Variants in PLD5 observed in about 807,000 individuals in gnomAD.
PLD5 encodes the protein inactive phospholipase D5.
Under a neutral mutation model 61.1 loss-of-function variants are expected in PLD5, and 36 were observed. That is an observed-to-expected ratio of 0.59 (90% CI 0.45 to 0.78). The LOEUF is 0.78. PLD5 is among the 30% of genes least tolerant of loss of function. The pLI, the probability that PLD5 is intolerant of heterozygous loss-of-function variation, is 0.00. For missense variants in PLD5, 515 were observed against 644.4 expected (o/e 0.80, Z 2.17); for synonymous variants, 243 against 242.8 (o/e 1.00, Z -0.01).
intron 1 of PLD5, among the ~76,000 whole-genome samples, chr1:242,500,490 T>G (rs1444326941): frequency 1.3e-5 from 2 of 152,204 alleles, no homozygotes. Flanking sequence ...TACAGACAAG[T>G]ACCTGAAACA....
intron 1 of PLD5, among the ~76,000 whole-genome samples, chr1:242,408,645 G>GATGTCATGC (rs1208309459): frequency 6.6e-6 from 1 of 152,184 alleles, no homozygotes; most frequent in Non-Finnish European, 1.5e-5. Flanking sequence ...AGCAGACATT[G>GATGTCATGC]ATGTCATGCA....
chr1:242,403,785 C>T (rs1416727927), intron 1 of PLD5, among the ~76,000 whole-genome samples: 1 of 152,150 alleles, frequency 6.6e-6, no homozygotes, highest in Non-Finnish European at 1.5e-5. Flanking sequence ...GAATGAGCCC[C>T]ATCTGGTCAC....
chr1:242,244,467 T>C (rs534312490), intron 4 of PLD5, among the ~76,000 whole-genome samples: 2 of 152,346 alleles, frequency 1.3e-5, no homozygotes, highest in South Asian at 4.1e-4. Context: ...TGGGAAAACC[T>C]CAGTGGGTAC....
chr1:242,396,922 C>T (rs1294769148), intron 1 of PLD5, among the ~76,000 whole-genome samples: 1 of 152,042 alleles, frequency 6.6e-6, no homozygotes, highest in Non-Finnish European at 1.5e-5. Context: ...TTGTGATCCG[C>T]CCGCCTCAGC....
chr1:242,501,072 T>G (rs1668539875), intron 1 of PLD5, among the ~76,000 whole-genome samples: 1 of 152,222 alleles, frequency 6.6e-6, no homozygotes, highest in Non-Finnish European at 1.5e-5. Context: ...TGAGTAGGTA[T>G]GTCACCCACC....
chr1:242,360,512 G>A (rs1053540352), intron 1 of PLD5, among the ~76,000 whole-genome samples: 1 of 151,870 alleles, frequency 6.6e-6, no homozygotes, highest in African/African-American at 2.4e-5. Flanking sequence ...CCCTCATAAT[G>A]AAGAAAGAAA....
chr1:242,091,114 T>A (rs1326843659), intron 9 of PLD5, among the ~76,000 whole-genome samples: 1 of 152,096 alleles, frequency 6.6e-6, no homozygotes, highest in Non-Finnish European at 1.5e-5. Context: ...CTGTCCAAAT[T>A]TCCCCCCTTT....
At chr1:242,435,657 A>G (rs1157349448) in intron 1 of PLD5, among the ~76,000 whole-genome samples, 1 of 152,174 alleles carries the variant, frequency 6.6e-6, no homozygotes, top group East Asian at 1.9e-4. Flanking sequence ...TGACCAGCTG[A>G]AAAAAATGTT....
intron 2 of PLD5, among the ~76,000 whole-genome samples, chr1:242,328,754 T>C (rs143209994): frequency 0.013 from 1,909 of 152,282 alleles, 37 homozygotes; most frequent in African/African-American, 0.044. Flanking sequence ...CAGGTAAGAA[T>C]ACAAAGCCAA....
chr1:242,100,705 G>A lies in PLD5; in HGVS notation c.1317C>T (p.Arg439=), dbSNP rs774850449. The change falls in exon 9 of 10, where the codon CGC becomes CGT. Residue 439 remains arginine (R), a synonymous_variant. Transcript: ENST00000536534. ...QKNHTFPRLN[R]NKYMVTDGAA... Reference sequence around the variant, plus strand: ...CTCCATCTGTCACCATGTACTTGTTGCGATTTAACCTAGGAAAGGTGTGAT... The same window carrying A: ...CTCCATCTGTCACCATGTACTTGTTACGATTTAACCTAGGAAAGGTGTGAT... 3 of 1,613,952 alleles carry A rather than the reference G, an allele frequency of 1.9e-6. No individual in the cohort carries two copies. Among genetic ancestry groups the A allele is most frequent in the Non-Finnish European group, 2.5e-6 (3 of 1,179,978 alleles).
chr1:242,528,977 C>T (rs1040755137), upstream of PLD5, among the ~76,000 whole-genome samples: 3 of 152,138 alleles, frequency 2.0e-5, no homozygotes, highest in Admixed American at 6.6e-5. Context: ...GCTTTATGTC[C>T]TCCTCAATTA....
chr1:242,387,619 T>TATTTTATCTATTTTATATAAA (rs869176636), intron 1 of PLD5, among the ~76,000 whole-genome samples: 4 of 133,940 alleles, frequency 3.0e-5, no homozygotes, highest in Admixed American at 7.9e-5. Context: ...ATATATTTTG[T>TATTTTATCTATTTTATATAAA]ATTTTATCTA....
chr1:242,424,437 G>A (rs950640259), intron 1 of PLD5, among the ~76,000 whole-genome samples: 2 of 151,736 alleles, frequency 1.3e-5, no homozygotes, highest in African/African-American at 2.4e-5. Context: ...TTCAAAATAC[G>A]CCCAGATTTT....
intron 2 of PLD5, among the ~76,000 whole-genome samples, chr1:242,347,515 T>C (rs549010213): frequency 1.3e-5 from 2 of 152,320 alleles, no homozygotes; most frequent in South Asian, 4.1e-4. Context: ...GACTACACTG[T>C]GATGTCTCTG....
At chr1:242,512,315 G>A (rs1668948925) in intron 1 of PLD5, among the ~76,000 whole-genome samples, 1 of 151,682 alleles carries the variant, frequency 6.6e-6, no homozygotes, top group East Asian at 1.9e-4. Context: ...AGCTACTGGG[G>A]AGGCTGAGGC....
chr1:242,257,081 T>A (rs1203101046), intron 4 of PLD5, among the ~76,000 whole-genome samples: 1 of 150,640 alleles, frequency 6.6e-6, no homozygotes, highest in Non-Finnish European at 1.5e-5. Flanking sequence ...TCTATCTATC[T>A]ATCATTTATC....
chr1:242,451,077 T>G (rs886923565), intron 1 of PLD5, among the ~76,000 whole-genome samples: 1 of 152,176 alleles, frequency 6.6e-6, no homozygotes, highest in African/African-American at 2.4e-5. Flanking sequence ...TGCCCACTTA[T>G]CCTTCTCCTC....
chr1:242,384,028 G>A (rs1033706703), intron 1 of PLD5, among the ~76,000 whole-genome samples: 9 of 152,172 alleles, frequency 5.9e-5, no homozygotes, highest in Admixed American at 5.9e-4. Flanking sequence ...GCAAAATCCC[G>A]CTGACTTCGG....
At chr1:242,487,653 A>T (rs1572229823) in intron 1 of PLD5, among the ~76,000 whole-genome samples, 1 of 152,168 alleles carries the variant, frequency 6.6e-6, no homozygotes, top group East Asian at 1.9e-4. Flanking sequence ...CAACTGATGG[A>T]CTGGTATCTA....
Sources: gnomAD v4.1 joint callset for allele counts (sites outside exome capture counted in the v4.1 genomes callset) on GRCh38, gnomAD v4.1.1 for gene constraint, MANE v1.5 for transcripts, NCBI Gene and HGNC (gene_info 2026-07-23, HGNC 2026-07-21) for gene names.